The following TMEM132B variants were observed in gnomAD, a reference collection of about 807,000 sequenced individuals.
TMEM132B encodes transmembrane protein 132B.
Under a neutral mutation model 90.8 loss-of-function variants are expected in TMEM132B, and 18 were observed. The observed-to-expected ratio is 0.20, with a 90% CI of 0.14 to 0.29. The LOEUF (loss-of-function observed/expected upper bound fraction) is 0.29. TMEM132B is among the 10% of genes least tolerant of loss of function. The pLI, the probability that TMEM132B is intolerant of heterozygous loss-of-function variation, is 1.00. For synonymous variants in TMEM132B, 504 were observed against 523.3 expected (o/e 0.96, Z 0.50); for missense variants, 1,096 against 1,326.8 (o/e 0.83, Z 2.70).
At chr12:125,442,600 T>C (rs1880905603) in intron 3 of TMEM132B, among the ~76,000 whole-genome samples, 1 of 152,192 alleles carries the variant, frequency 6.6e-6, no homozygotes, top group Admixed American at 6.5e-5. Context: ...TAGTATAGTT[T>C]ACGGGAACAG....
In TMEM132B at chr12:125,349,108, C is replaced by A. The variant is rs571804925; in HGVS notation, c.68-344C>A. Among the ~76,000 whole-genome samples, 2 of 152,258 alleles carry A rather than the reference C, an allele frequency of 1.3e-5. No homozygotes were observed. The highest frequency in any genetic ancestry group is 4.8e-5 in the African/African-American group (2 of 41,546). On this transcript the variant is annotated intron_variant, in intron 1 of 8. Coordinates refer to ENST00000682704, the MANE Select transcript of TMEM132B (RefSeq NM_001366854.1). This position sits in a 1 kb window ranked among gnomAD's most constrained non-coding sequence, Gnocchi z 4.1. ...ATTGGTAGACTTGGTAGGTACGCAA[C>A]CTTTTATCTGTGGGGTAGATGAACA...
intron 1 of TMEM132B, chr12:125,326,660 G>T (rs1029884944): frequency 6.2e-7 from 1 of 1,607,998 alleles, no homozygotes; most frequent in South Asian, 1.1e-5. Context: ...CACCACTGCT[G>T]TCTGCACCGG....
At chr12:125,641,121 G>T (rs933740795) in intron 5 of TMEM132B, among the ~76,000 whole-genome samples, 5 of 152,152 alleles carry the variant, frequency 3.3e-5, no homozygotes, top group Admixed American at 2.6e-4. Flanking sequence ...GTGCTCCACT[G>T]CCCCCTATAT....
intron 3 of TMEM132B, among the ~76,000 whole-genome samples, chr12:125,432,487 GTA>G (rs1880554187): frequency 1.6e-5 from 1 of 62,116 alleles, no homozygotes; most frequent in East Asian, 3.8e-4. Context: ...GTATATATAT[GTA>G]TGTGTATATA....
At chr12:125,555,083 T>C (rs1258862580) in intron 4 of TMEM132B, among the ~76,000 whole-genome samples, 1 of 152,196 alleles carries the variant, frequency 6.6e-6, no homozygotes, top group Non-Finnish European at 1.5e-5. Context: ...GCATCTGTTA[T>C]TTATGTAGTG....
chr12:125,205,025 C>T (rs11613825), intron 1 of TMEM132B, among the ~76,000 whole-genome samples: 27,962 of 44,046 alleles, frequency 0.63, 8,654 homozygotes, highest in African/African-American at 0.72. Context: ...ATCCTTTCAG[C>T]GAGGGCTCCA....
chr12:125,583,762 G>A (rs1317182046), intron 4 of TMEM132B, 89 bp from the exon 5 acceptor site: 2 of 1,460,674 alleles, frequency 1.4e-6, no homozygotes, highest in East Asian at 2.3e-5. Context: ...CGAGAATGAA[G>A]GCAGTAGGGA....
chr12:125,343,403 C>A (rs1877255672), intron 1 of TMEM132B, among the ~76,000 whole-genome samples: 1 of 152,138 alleles, frequency 6.6e-6, no homozygotes, highest in South Asian at 2.1e-4. Flanking sequence ...GCAATGAAAA[C>A]CTCATTGGGT....
intron 1 of TMEM132B, among the ~76,000 whole-genome samples, chr12:125,202,543 C>G (rs924371620): frequency 2.6e-5 from 4 of 152,244 alleles, no homozygotes; most frequent in East Asian, 1.9e-4. Context: ...GCCACAGTCC[C>G]TTGCTGACAG....
chr12:125,501,906 C>T lies in TMEM132B; in HGVS notation c.1107-17533C>T, dbSNP rs550940256. ...CTTCTGCAAACCCATGAGGAATAAC[C>T]GTTCAGGTGTAGCATTGATTTTCCA... On this transcript the variant is annotated intron_variant, in intron 3 of 8. Transcript: ENST00000682704. Among the ~76,000 whole-genome samples, 5 of 152,256 alleles carry T rather than the reference C, an allele frequency of 3.3e-5. No homozygotes were observed. The South Asian group carries it at 8.3e-4, about 25-fold the overall frequency.
chr12:125,406,777 C>T lies in TMEM132B; in HGVS notation c.960-8754C>T, dbSNP rs145489689. Among the ~76,000 whole-genome samples the T allele has an allele frequency of 6.6e-6, 1 of 152,224 alleles. No homozygotes were observed. The highest frequency in any genetic ancestry group is 1.5e-5 in the Non-Finnish European group (1 of 68,014). On this transcript the variant is annotated intron_variant, in intron 2 of 8. Transcript: ENST00000682704. The surrounding 1 kb of genome is among the most constrained non-coding windows in gnomAD (Gnocchi z 8.3). ...ATGCCATCTGCAAGTCTGGAGGGTC[C>T]CCAAGACCACCCTCAGGTTCAGTAA...
chr12:125,307,810 T>TATATTACAAGTATATATACTG, intron 1 of TMEM132B, among the ~76,000 whole-genome samples: 1 of 131,554 alleles, frequency 7.6e-6, no homozygotes, highest in Non-Finnish European at 1.6e-5. Flanking sequence ...TATATATACT[T>TATATTACAAGTATATATACTG]ATAATACTTA....
intron 3 of TMEM132B, among the ~76,000 whole-genome samples, chr12:125,480,310 G>A (rs1593167053): frequency 6.6e-6 from 1 of 152,208 alleles, no homozygotes; most frequent in Non-Finnish European, 1.5e-5. Flanking sequence ...AAAAATCAAT[G>A]AATCCAGGAG....
chr12:125,383,828 C>T (rs148189928), intron 2 of TMEM132B, among the ~76,000 whole-genome samples: 2 of 152,348 alleles, frequency 1.3e-5, no homozygotes, highest in African/African-American at 2.4e-5. Context: ...CTTATTAGCT[C>T]TTTCTGTTAA....
chr12:125,515,192 T>C (rs2136643112), intron 3 of TMEM132B, among the ~76,000 whole-genome samples: 1 of 143,936 alleles, frequency 6.9e-6, no homozygotes, highest in East Asian at 2.2e-4. Flanking sequence ...ACGCATTCTC[T>C]CTCATGCACA....
chr12:125,309,016 A>C (rs1382249847), intron 1 of TMEM132B, among the ~76,000 whole-genome samples: 3 of 152,204 alleles, frequency 2.0e-5, no homozygotes, highest in Admixed American at 1.3e-4. Flanking sequence ...TAACCATGTT[A>C]GCACATTTAC....
chr12:125,342,528 T>C (rs969441208), intron 1 of TMEM132B, among the ~76,000 whole-genome samples: 9 of 152,162 alleles, frequency 5.9e-5, no homozygotes, highest in African/African-American at 1.7e-4. Context: ...CCTTCTTAGG[T>C]CCTGCCTATA....
intron 2 of TMEM132B, among the ~76,000 whole-genome samples, chr12:125,376,696 G>A (rs2136279193): frequency 6.6e-6 from 1 of 152,322 alleles, no homozygotes; most frequent in East Asian, 1.9e-4. Context: ...TACAAAGAGA[G>A]CAAGTTCCCC....
chr12:125,542,320 C>T (rs1189528645), intron 4 of TMEM132B, among the ~76,000 whole-genome samples: 4 of 152,038 alleles, frequency 2.6e-5, no homozygotes, highest in Non-Finnish European at 5.9e-5. Flanking sequence ...TTTGTTTTTT[C>T]CTGAAGTTTT....
Sources: gnomAD v4.1 joint callset for allele counts (sites outside exome capture counted in the v4.1 genomes callset) on GRCh38, gnomAD v4.1.1 for gene constraint, Gnocchi (gnomAD v3.1) non-coding constraint, MANE v1.5 for transcripts, NCBI Gene and HGNC (gene_info 2026-07-23, HGNC 2026-07-21) for gene names.